Variants in TTC28 observed in about 807,000 individuals in gnomAD.
The protein encoded by TTC28 is tetratricopeptide repeat domain 28.
In TTC28, 61 loss-of-function variants were observed where a neutral mutation model predicts 198.0. The ratio of observed to expected loss-of-function variants is 0.31; its 90% CI spans 0.25 to 0.38. The LOEUF is 0.38. TTC28 is among the 10% of genes least tolerant of loss of function. The pLI is 1.00. For missense variants in TTC28, 2,678 were observed against 3,164.0 expected (o/e 0.85, Z 3.69); for synonymous variants, 1,171 against 1,297.8 (o/e 0.90, Z 2.10).
intron 2 of TTC28, among the ~76,000 whole-genome samples, chr22:28,382,150 G>T (rs1052140088): frequency 3.3e-5 from 5 of 152,172 alleles, no homozygotes; most frequent in Non-Finnish European, 7.4e-5. Context: ...ATGAAGAAAT[G>T]TGACTGTTGG....
intron 2 of TTC28, among the ~76,000 whole-genome samples, chr22:28,323,593 A>C (rs984130863): frequency 6.6e-6 from 1 of 152,236 alleles, no homozygotes; most frequent in Non-Finnish European, 1.5e-5. Flanking sequence ...AAGAATAGAA[A>C]ACAATGAAGT....
chr22:28,568,894 C>T (rs2146020450), intron 2 of TTC28, among the ~76,000 whole-genome samples: 1 of 152,210 alleles, frequency 6.6e-6, no homozygotes, highest in South Asian at 2.1e-4. Flanking sequence ...CGCCTGTAAT[C>T]CCAGCACTTT....
intron 6 of TTC28, among the ~76,000 whole-genome samples, chr22:28,146,387 T>G (rs1258525868): frequency 6.6e-6 from 1 of 152,214 alleles, no homozygotes; most frequent in Non-Finnish European, 1.5e-5. Context: ...GTTGTGTGAG[T>G]TCTTCACTGA....
At chr22:28,242,307 C>T (rs1414730073) in intron 5 of TTC28, among the ~76,000 whole-genome samples, 2 of 152,144 alleles carry the variant, frequency 1.3e-5, no homozygotes, top group East Asian at 1.9e-4. Context: ...TTACTTGTTA[C>T]AGTAATTATG....
At chr22:28,502,240 G>A (rs540441284) in intron 2 of TTC28, among the ~76,000 whole-genome samples, 3 of 152,262 alleles carry the variant, frequency 2.0e-5, no homozygotes, top group African/African-American at 7.2e-5. Context: ...GCACCTGAGA[G>A]GCTTGAAGCT....
At chr22:28,562,082 A>G (rs1373711057) in intron 2 of TTC28, among the ~76,000 whole-genome samples, 3 of 152,212 alleles carry the variant, frequency 2.0e-5, no homozygotes, top group Admixed American at 6.5e-5. Flanking sequence ...CACTCACACA[A>G]AAAGGTGAAT....
intron 13 of TTC28, among the ~76,000 whole-genome samples, chr22:28,014,837 C>T (rs1461067359): frequency 1.3e-5 from 2 of 152,186 alleles, no homozygotes; most frequent in Non-Finnish European, 2.9e-5. Flanking sequence ...CCACCTTGGG[C>T]TCAGAGCAAC....
At chr22:28,296,117 C>T (rs2044889366) in intron 5 of TTC28, 81 bp downstream of exon 5, 1 of 1,374,118 alleles carries the variant, frequency 7.3e-7, no homozygotes, top group African/African-American at 1.5e-5. Flanking sequence ...ATACCTGAAA[C>T]AGTTTGTTTT....
intron 2 of TTC28, among the ~76,000 whole-genome samples, chr22:28,584,901 A>G (rs1431761075): frequency 6.6e-6 from 1 of 152,250 alleles, no homozygotes; most frequent in African/African-American, 2.4e-5. Flanking sequence ...AATTAGATCA[A>G]TGGTAAACTT....
chr22:28,252,428 C>T (rs1443502624), intron 5 of TTC28, among the ~76,000 whole-genome samples: 2 of 152,154 alleles, frequency 1.3e-5, no homozygotes, highest in Non-Finnish European at 2.9e-5. Flanking sequence ...AAACTGAAGC[C>T]AGATAGTTAA....
intron 1 of TTC28, among the ~76,000 whole-genome samples, chr22:28,654,684 T>C (rs2051616470): frequency 6.6e-6 from 1 of 152,174 alleles, no homozygotes; most frequent in Non-Finnish European, 1.5e-5. Flanking sequence ...CTGTGAAGTG[T>C]CATCTTACAT....
At chr22:28,313,186 C>G (rs2045295781) in intron 2 of TTC28, among the ~76,000 whole-genome samples, 2 of 152,136 alleles carry the variant, frequency 1.3e-5, no homozygotes, top group African/African-American at 4.8e-5. Context: ...CCTGAATAGA[C>G]CAATAACAGG....
rs548942075 is a variant in TTC28, at chr22:28,128,455, A to G, written c.1442-20052T>C. ...GCTCACCTAAGAAACACGGTAAGGT[A>G]AGGATTAAATGAATAAGTAAAGCAC... On this transcript the variant is annotated intron_variant, in intron 6 of 22. Transcript: ENST00000397906. 1.2e-4 allele frequency among the ~76,000 whole-genome samples: 18 copies of G among 152,354 alleles called. No homozygotes were observed. In the South Asian group the frequency reaches 3.7e-3, roughly 32 times the overall value.
At chr22:28,561,678 T>G (rs1811588309) in intron 2 of TTC28, among the ~76,000 whole-genome samples, 1 of 152,190 alleles carries the variant, frequency 6.6e-6, no homozygotes, top group African/African-American at 2.4e-5. Flanking sequence ...ATATGGTTCC[T>G]GCCTCAACTG....
intron 2 of TTC28, among the ~76,000 whole-genome samples, chr22:28,423,425 A>G (rs2047294700): frequency 6.6e-6 from 1 of 152,092 alleles, no homozygotes; most frequent in African/African-American, 2.4e-5. Context: ...AAACAACAAC[A>G]ACAACAAAAA....
intron 10 of TTC28, 29 bp downstream of exon 10, chr22:28,098,886 A>C: frequency 6.5e-7 from 1 of 1,550,370 alleles, no homozygotes; most frequent in Non-Finnish European, 8.7e-7. Context: ...GTGCACACGT[A>C]AGCAAGGAGT....
intron 2 of TTC28, among the ~76,000 whole-genome samples, chr22:28,411,767 T>C (rs918855987): frequency 1.3e-5 from 2 of 152,196 alleles, no homozygotes; most frequent in African/African-American, 4.8e-5. Context: ...GAAACAAATG[T>C]ACTACCTGAA....
chr22:28,087,383 G>C (rs548259669), intron 12 of TTC28, among the ~76,000 whole-genome samples: 1 of 152,146 alleles, frequency 6.6e-6, no homozygotes, highest in East Asian at 1.9e-4. Context: ...ATGTAATCCA[G>C]TATATAAACA....
intron 2 of TTC28, among the ~76,000 whole-genome samples, chr22:28,308,415 T>G (rs1417387337): frequency 2.0e-5 from 3 of 152,186 alleles, no homozygotes; most frequent in African/African-American, 4.8e-5. Flanking sequence ...ACTGTAAACT[T>G]ATTAAGAGAC....
Sources: gnomAD v4.1 joint callset for allele counts (sites outside exome capture counted in the v4.1 genomes callset) on GRCh38, gnomAD v4.1.1 for gene constraint, MANE v1.5 for transcripts, NCBI Gene and HGNC (gene_info 2026-07-23, HGNC 2026-07-21) for gene names.